Variants in R3HCC1L observed in about 807,000 individuals in gnomAD.
R3HCC1L encodes the protein coiled-coil domain-containing protein R3HCC1L.
R3HCC1L carries 51 observed loss-of-function variants against 59.9 expected under a neutral mutation model. The observed-to-expected ratio is 0.85, with a 90% CI of 0.68 to 1.07. The LOEUF (loss-of-function observed/expected upper bound fraction) is 1.07. R3HCC1L is among the 50% of genes least tolerant of loss of function. The pLI is 0.00. For synonymous variants in R3HCC1L, 322 were observed against 315.2 expected, an observed-to-expected ratio of 1.02 and a Z score of -0.23; for missense variants, 965 against 933.0, an observed-to-expected ratio of 1.03 and a Z score of -0.45.
intron 2 of R3HCC1L, among the ~76,000 whole-genome samples, chr10:98,156,788 G>A (rs1846925457): frequency 6.6e-6 from 1 of 152,202 alleles, no homozygotes. Context: ...AGCTAACACT[G>A]ATTGGCTTGT....
chr10:98,135,071 G>T (rs1470800791), intron 1 of R3HCC1L, among the ~76,000 whole-genome samples: 1 of 152,214 alleles, frequency 6.6e-6, no homozygotes, highest in Non-Finnish European at 1.5e-5. Context: ...GCGGGGCCGT[G>T]GGCCCCCAGG....
chr10:98,152,850 G>A (rs994039776), intron 1 of R3HCC1L, among the ~76,000 whole-genome samples: 3 of 151,994 alleles, frequency 2.0e-5, no homozygotes, highest in Non-Finnish European at 4.4e-5. Flanking sequence ...CCCCGTCTGG[G>A]AAGTGAGGAG....
intron 4 of R3HCC1L, among the ~76,000 whole-genome samples, chr10:98,196,742 C>T (rs1178486964): frequency 6.6e-6 from 1 of 152,178 alleles, no homozygotes; most frequent in Non-Finnish European, 1.5e-5. Flanking sequence ...CTTCCTTCTA[C>T]TCTTGTCCCC....
At chr10:98,216,745 A>T (rs868622215) in intron 5 of R3HCC1L, among the ~76,000 whole-genome samples, 43 of 151,998 alleles carry the variant, frequency 2.8e-4, no homozygotes, top group East Asian at 9.8e-4. Context: ...TCTAATTTTT[A>T]AAAAATTTAT....
chr10:98,179,938 A>G (rs1000922267), intron 4 of R3HCC1L, among the ~76,000 whole-genome samples: 1 of 151,816 alleles, frequency 6.6e-6, no homozygotes, highest in Non-Finnish European at 1.5e-5. Context: ...TATTGCATCT[A>G]TTTGATTCTT....
At chr10:98,211,482 T>C in intron 5 of R3HCC1L, 1 of 1,175,460 alleles carries the variant, frequency 8.5e-7, no homozygotes, top group Non-Finnish European at 1.1e-6. Context: ...GGTGGGAAGC[T>C]AGGTGAATAT....
chr10:98,187,138 A>T (rs1850300742), intron 4 of R3HCC1L, among the ~76,000 whole-genome samples: 1 of 152,132 alleles, frequency 6.6e-6, no homozygotes, highest in South Asian at 2.1e-4. Context: ...CAGTTTGTTA[A>T]ATCCAACATA....
chr10:98,142,352 T>C (rs146685489), intron 1 of R3HCC1L, among the ~76,000 whole-genome samples: 246 of 152,248 alleles, frequency 1.6e-3, no homozygotes, highest in African/African-American at 5.4e-3. Context: ...TTTTTTTCTC[T>C]CTCTCTTTCT....
chr10:98,222,529 C>T (rs1855134611), intron 5 of R3HCC1L, among the ~76,000 whole-genome samples: 1 of 151,928 alleles, frequency 6.6e-6, no homozygotes. Context: ...TCATAGATAG[C>T]TCTTATTATT....
At chr10:98,182,322 G>C (rs554374818) in intron 4 of R3HCC1L, among the ~76,000 whole-genome samples, 74 of 152,324 alleles carry the variant, frequency 4.9e-4, no homozygotes, top group African/African-American at 1.8e-3. Context: ...TCTGGACCCT[G>C]TTTGCCTGGG....
chr10:98,241,664 A>G (rs543000249), intron 9 of R3HCC1L, among the ~76,000 whole-genome samples: 21 of 152,266 alleles, frequency 1.4e-4, no homozygotes, highest in Admixed American at 1.0e-3. Context: ...TCTCTTTAAT[A>G]AAGGGACATG....
intron 2 of R3HCC1L, among the ~76,000 whole-genome samples, chr10:98,161,534 A>G (rs920451464): frequency 1.3e-5 from 2 of 152,058 alleles, no homozygotes; most frequent in Non-Finnish European, 2.9e-5. Context: ...TTTTATCTGA[A>G]TTTTGGATTA....
chr10:98,138,124 G>T (rs1305925086), intron 1 of R3HCC1L, among the ~76,000 whole-genome samples: 2 of 152,278 alleles, frequency 1.3e-5, no homozygotes, highest in East Asian at 3.9e-4. Context: ...GTTTAGAATT[G>T]AAGTATATAT....
chr10:98,163,406 C>T lies in R3HCC1L; in HGVS notation c.-15+9C>T. ...TAAATGTTACTTACATGGTAAGTTGCCTTTACTTATGCATATTTTATAGAA... is the reference window on the plus strand; with the variant it reads ...TAAATGTTACTTACATGGTAAGTTGTCTTTACTTATGCATATTTTATAGAA... On this transcript the variant is annotated intron_variant, in intron 4 of 9. Transcript: ENST00000298999. The T allele has an allele frequency of 7.6e-7, 1 of 1,324,052 alleles. No individual in the cohort carries two copies. The highest frequency in any genetic ancestry group is 1.0e-6 in the Non-Finnish European group (1 of 991,230). The allele number at this position is 1,324,052 out of a possible 1,614,324, so 82.0% of individuals were successfully genotyped here.
chr10:98,157,273 A>G (rs1305803534), intron 2 of R3HCC1L, among the ~76,000 whole-genome samples: 1 of 152,058 alleles, frequency 6.6e-6, no homozygotes, highest in African/African-American at 2.4e-5. Context: ...GCTTGTGGGT[A>G]CCTTTCAGTA....
intron 2 of R3HCC1L, among the ~76,000 whole-genome samples, chr10:98,160,440 A>G (rs966759028): frequency 5.9e-5 from 9 of 152,238 alleles, no homozygotes; most frequent in African/African-American, 9.6e-5. Flanking sequence ...TAGATAAAAT[A>G]TATTAATAAA....
intron 4 of R3HCC1L, among the ~76,000 whole-genome samples, chr10:98,185,721 A>C (rs565242143): frequency 6.6e-6 from 1 of 152,352 alleles, no homozygotes; most frequent in South Asian, 2.1e-4. Context: ...AGAGTCTTCT[A>C]AGCCATGTTA....
chr10:98,150,737 G>A (rs929687497), intron 1 of R3HCC1L, among the ~76,000 whole-genome samples: 29 of 152,156 alleles, frequency 1.9e-4, no homozygotes, highest in African/African-American at 7.0e-4. Context: ...CTGCTGAACA[G>A]CTGTTTTGAT....
intron 5 of R3HCC1L, among the ~76,000 whole-genome samples, chr10:98,213,158 A>G (rs1317275682): frequency 6.6e-6 from 1 of 152,208 alleles, no homozygotes; most frequent in Non-Finnish European, 1.5e-5. Context: ...TGTAACATAC[A>G]AAGAGAGGAA....
Sources: allele counts gnomAD v4.1 joint callset (sites outside exome capture counted in the v4.1 genomes callset), GRCh38; gene constraint gnomAD v4.1.1; transcripts MANE v1.5; gene names NCBI Gene and HGNC (gene_info 2026-07-23, HGNC 2026-07-21).